Variants in RTN4IP1 observed in about 807,000 individuals in gnomAD.
RTN4IP1 encodes the protein reticulon 4 interacting protein 1, also known as NAD(P)H oxidoreductase RTN4IP1, mitochondrial.
Under a neutral mutation model 46.6 loss-of-function variants are expected in RTN4IP1, and 32 were observed. That is an observed-to-expected ratio of 0.69 (90% CI 0.52 to 0.92). The LOEUF (loss-of-function observed/expected upper bound fraction) is 0.92, where lower values mean the gene tolerates loss of function less well. Ranked by LOEUF, RTN4IP1 falls within the 40% of genes least tolerant of loss-of-function variation. RTN4IP1 has a pLI of 0.00. For missense variants in RTN4IP1, 424 were observed against 485.8 expected (o/e 0.87, Z 1.20); for synonymous variants, 167 against 161.8 (o/e 1.03, Z -0.24).
At chr6:106,616,304 G>T (rs1377470991) in intron 4 of RTN4IP1, among the ~76,000 whole-genome samples, 1 of 152,172 alleles carries the variant, frequency 6.6e-6, no homozygotes, top group African/African-American at 2.4e-5. Flanking sequence ...TTGGTTCACT[G>T]ATACTCAGCT....
At chr6:106,611,597 G>A (rs141442390) in intron 4 of RTN4IP1, among the ~76,000 whole-genome samples, 94 of 152,202 alleles carry the variant, frequency 6.2e-4, no homozygotes, top group African/African-American at 2.2e-3. Flanking sequence ...TTTAAATCAC[G>A]GGGAAAACAG....
upstream of RTN4IP1, among the ~76,000 whole-genome samples, chr6:106,630,393 C>CA (rs1412382428): frequency 2.6e-5 from 4 of 152,198 alleles, no homozygotes; most frequent in African/African-American, 9.6e-5. Context: ...TTTAATGGCA[C>CA]AACTATTATC....
At position 106,592,234 on chromosome 6, in the gene RTN4IP1, T is replaced by C. The variant is rs1196412885; in HGVS notation, c.736A>G (p.Lys246Glu). The change falls in exon 6 of 9, where the codon AAG (lysine) becomes GAG (glutamate). Residue 246 changes from lysine to glutamate, a missense_variant. Lys to Glu is a moderately conservative substitution (Grantham distance 56, BLOSUM62 1). Coordinates refer to ENST00000369063, the MANE Select transcript of RTN4IP1 (RefSeq NM_032730.5). Reference sequence around the variant, plus strand: ...TCAATTACATCGTCTGCACCAAGCTTCCTTACAAGTTCACTGGCATCTTGG... The same window carrying C: ...TCAATTACATCGTCTGCACCAAGCTCCCTTACAAGTTCACTGGCATCTTGG... ...CSQDASELVRKLGADDVIDYK... is the reference protein window; with the variant it reads ...CSQDASELVRELGADDVIDYK... The C allele has an allele frequency of 6.2e-7, 1 of 1,614,100 alleles. No homozygotes were observed. The highest frequency in any genetic ancestry group is 8.5e-7 in the Non-Finnish European group (1 of 1,180,008).
rs143572559 is a variant in RTN4IP1 at position 106,572,014 on chromosome 6, A to C, written c.1173T>G (p.Thr391=). ...TTTTTATTTAAACAACATTAATTAC[A>C]GTCTTTCCTCGTGCGTGTCCTCTTT... is the stretch of plus-strand genomic sequence containing the variant. ...KVERGHARGK[T]VINVV The change falls in exon 9 of 9, where the codon ACT becomes ACG. Residue 391 remains threonine (T), a synonymous_variant. Coordinates refer to ENST00000369063, the MANE Select transcript of RTN4IP1 (RefSeq NM_032730.5). 5 of 1,612,092 alleles carry C rather than the reference A, an allele frequency of 3.1e-6. No homozygotes were observed. Among genetic ancestry groups the C allele is most frequent in the Non-Finnish European group, 4.2e-6 (5 of 1,178,386 alleles).
chr6:106,578,042 A>C (rs4946766), intron 8 of RTN4IP1, among the ~76,000 whole-genome samples: 137,385 of 152,172 alleles, frequency 0.9, 62,653 homozygotes, highest in Non-Finnish European at 0.99. Flanking sequence ...AAATATGTAT[A>C]AATATTTTCC....
Position 106,572,025 on chromosome 6 carries a change from G to A in RTN4IP1, c.1162C>T (p.Arg388Ter), listed in dbSNP as rs764393326. Residue 388 changes from arginine (R) to a stop codon, truncating the protein, a stop_gained, in exon 9 of 9, where the codon CGA (arginine) becomes TGA (stop). Transcript: ENST00000369063. LOFTEE classifies it high-confidence loss of function. ...ACAACATTAATTACAGTCTTTCCTC[G>A]TGCGTGTCCTCTTTCCACCTTCAGG... ...AFLKVERGHA[R>*]GKTVINVV 32 of 1,612,812 alleles carry A rather than the reference G, an allele frequency of 2.0e-5. No homozygotes were observed. Among genetic ancestry groups the A allele is most frequent in the Middle Eastern group, 1.6e-4 (1 of 6,076 alleles).
chr6:106,618,461 T>A (rs959666044), intron 4 of RTN4IP1, among the ~76,000 whole-genome samples: 1 of 152,212 alleles, frequency 6.6e-6, no homozygotes, highest in African/African-American at 2.4e-5. Flanking sequence ...CTAACAACAG[T>A]AGCCACCATT....
chr6:106,596,283 CTT>C (rs1218461042), intron 5 of RTN4IP1, among the ~76,000 whole-genome samples: 7 of 152,162 alleles, frequency 4.6e-5, no homozygotes, highest in African/African-American at 1.7e-4. Context: ...CAAAATATCT[CTT>C]GAGTTCATAT....
chr6:106,623,316 T>C (rs777112165), intron 1 of RTN4IP1, among the ~76,000 whole-genome samples: 1 of 151,850 alleles, frequency 6.6e-6, no homozygotes, highest in Non-Finnish European at 1.5e-5. Context: ...AACAGAAAAC[T>C]AAAGTGGGAG....
At chr6:106,583,696 C>T (rs931452620) in intron 7 of RTN4IP1, 5 of 353,474 alleles carry the variant, frequency 1.4e-5, no homozygotes, top group African/African-American at 8.4e-5. Flanking sequence ...GGAAAGCTTT[C>T]CTTAAAATGA....
intron 4 of RTN4IP1, among the ~76,000 whole-genome samples, chr6:106,612,994 A>G (rs1776267373): frequency 6.6e-6 from 1 of 152,230 alleles, no homozygotes; most frequent in South Asian, 2.1e-4. Flanking sequence ...AATTAAAAAG[A>G]AAATTTTATA....
At chr6:106,606,005 A>T (rs1220260398) in intron 4 of RTN4IP1, among the ~76,000 whole-genome samples, 3 of 152,158 alleles carry the variant, frequency 2.0e-5, no homozygotes. Flanking sequence ...ATTGGAAAAG[A>T]GGATGTCAAA....
At chr6:106,625,898 C>T (rs943894056) in intron 1 of RTN4IP1, among the ~76,000 whole-genome samples, 2 of 151,956 alleles carry the variant, frequency 1.3e-5, no homozygotes, top group African/African-American at 4.8e-5. Context: ...TCAGGTGATC[C>T]ACCTGCCTCG....
At chr6:106,603,072 G>A (rs902341372) in intron 4 of RTN4IP1, 150 bp from the exon 5 acceptor site, 1 of 538,006 alleles carries the variant, frequency 1.9e-6, no homozygotes, top group Non-Finnish European at 3.2e-6. Context: ...ATTACACAAG[G>A]ATTTTTATTT....
At chr6:106,618,739 T>C (rs1776409497) in intron 4 of RTN4IP1, among the ~76,000 whole-genome samples, 1 of 152,222 alleles carries the variant, frequency 6.6e-6, no homozygotes, top group African/African-American at 2.4e-5. Context: ...CTTAAGAATA[T>C]TCAATAGTTG....
chr6:106,607,291 A>C (rs1425023747), intron 4 of RTN4IP1, among the ~76,000 whole-genome samples: 1 of 152,124 alleles, frequency 6.6e-6, no homozygotes, highest in Non-Finnish European at 1.5e-5. Context: ...CCCAAAAAAA[A>C]ACTATTAGAA....
chr6:106,604,725 C>T (rs1776020606), intron 4 of RTN4IP1, among the ~76,000 whole-genome samples: 1 of 152,126 alleles, frequency 6.6e-6, no homozygotes, highest in African/African-American at 2.4e-5. Context: ...ATTCATCTCC[C>T]CTCAAAATAA....
At chr6:106,578,313 C>A (rs1775277634) in intron 8 of RTN4IP1, among the ~76,000 whole-genome samples, 1 of 152,156 alleles carries the variant, frequency 6.6e-6, no homozygotes, top group Admixed American at 6.5e-5. Flanking sequence ...TTTCTTAGGG[C>A]CTCTGTCCCT....
intron 4 of RTN4IP1, among the ~76,000 whole-genome samples, chr6:106,607,150 A>T (rs1027075109): frequency 1.3e-5 from 2 of 152,202 alleles, no homozygotes; most frequent in African/African-American, 4.8e-5. Flanking sequence ...GATGTTGGTG[A>T]GAGGATAATT....
Sources: gnomAD v4.1 joint callset for allele counts (sites outside exome capture counted in the v4.1 genomes callset) on GRCh38, gnomAD v4.1.1 for gene constraint, MANE v1.5 for transcripts, NCBI Gene and HGNC (gene_info 2026-07-23, HGNC 2026-07-21) for gene names.